BTRC: variants seen among roughly 807,000 people sequenced by gnomAD.
BTRC encodes the protein beta-transducin repeat containing E3 ubiquitin protein ligase.
A neutral mutation model predicts 85.5 loss-of-function variants in BTRC; 42 were observed. That is an observed-to-expected ratio of 0.49 (90% confidence interval 0.38 to 0.64). The LOEUF (loss-of-function observed/expected upper bound fraction) is 0.64, where lower values mean the gene tolerates loss of function less well. BTRC is among the 30% of genes least tolerant of loss of function. The probability of loss-of-function intolerance (pLI) is 0.00; values close to 1 mark genes in which losing one functional copy is unlikely to be tolerated. For missense variants in BTRC, 594 were observed against 743.5 expected, an observed-to-expected ratio of 0.80 and a Z score of 2.34; for synonymous variants, 255 against 263.3, an observed-to-expected ratio of 0.97 and a Z score of 0.30.
chr10:101,366,993 TTA>T lies in BTRC; in HGVS notation c.48+12766_48+12767del, dbSNP rs1564730703. ...ATATATATTTATATATTTATATATA[TTA>T]ATATATATATTTATATATATATTTA... On this transcript the variant is annotated intron_variant, in intron 1 of 14. Coordinates refer to ENST00000370187, the MANE Select transcript of BTRC (RefSeq NM_033637.4). Among the ~76,000 whole-genome samples, 48 of 72,348 alleles carry T rather than the reference TTA, an allele frequency of 6.6e-4. 4 individuals carry two copies. The highest frequency in any genetic ancestry group is 2.6e-3 in the African/African-American group (47 of 18,304). 47.5% of individuals were successfully genotyped at this position (72,348 alleles called of 152,430 possible).
At chr10:101,464,669 T>C (rs948808637) in intron 3 of BTRC, among the ~76,000 whole-genome samples, 13 of 152,140 alleles carry the variant, frequency 8.5e-5, no homozygotes, top group Non-Finnish European at 1.6e-4. Flanking sequence ...TTTATCTCCA[T>C]TCTCTTTGTG....
chr10:101,455,465 T>G (rs1945051642), intron 2 of BTRC, among the ~76,000 whole-genome samples: 2 of 152,158 alleles, frequency 1.3e-5, no homozygotes, highest in Admixed American at 1.3e-4. Context: ...TATAAAGAGA[T>G]ATAAAGAATT....
chr10:101,484,730 A>G (rs1589533875), intron 4 of BTRC, among the ~76,000 whole-genome samples: 1 of 152,340 alleles, frequency 6.6e-6, no homozygotes, highest in East Asian at 1.9e-4. Flanking sequence ...ATTGAGGCTG[A>G]TGTGGTTGGA....
intron 10 of BTRC, 152 bp downstream of exon 10, chr10:101,535,062 G>T: frequency 1.1e-6 from 1 of 938,014 alleles, no homozygotes; most frequent in Non-Finnish European, 1.6e-6. Flanking sequence ...TGTAATAAGT[G>T]AGACGTTGTG....
chr10:101,471,972 A>G (rs1288191492), intron 3 of BTRC, among the ~76,000 whole-genome samples: 5 of 152,142 alleles, frequency 3.3e-5, no homozygotes, highest in Admixed American at 3.3e-4. Flanking sequence ...GCCCCCTTTG[A>G]CGTATCTTCA....
rs949622924 is a variant in BTRC, at chr10:101,536,137, G to C, written c.1467-406G>C. On this transcript the variant is annotated intron_variant, in intron 11 of 14. Coordinates refer to ENST00000370187, the MANE Select transcript of BTRC (RefSeq NM_033637.4). ...CTGGACAGTGGTGAAAGAAGTGTCT[G>C]CCGTGGCAGAGGGGGAGGTGCTTTG... is the stretch of plus-strand genomic sequence containing the variant. 2.0e-4 allele frequency among the ~76,000 whole-genome samples: 31 copies of C among 152,350 alleles called. No homozygotes were observed. The South Asian group carries it at 2.1e-3, about 10-fold the overall frequency.
intron 1 of BTRC, among the ~76,000 whole-genome samples, chr10:101,421,580 T>G (rs1041219994): frequency 2.0e-5 from 3 of 150,762 alleles, no homozygotes; most frequent in Admixed American, 1.3e-4. Flanking sequence ...ACTCGTCATT[T>G]ACATTAGGTA....
At chr10:101,360,626 C>T (rs1189749584) in intron 1 of BTRC, among the ~76,000 whole-genome samples, 1 of 152,262 alleles carries the variant, frequency 6.6e-6, no homozygotes, top group Non-Finnish European at 1.5e-5. Context: ...CCGCCTCGGC[C>T]TCCCAAAGTG....
chr10:101,539,562 A>G lies in BTRC; in HGVS notation c.1656+1191A>G, dbSNP rs185897474. On this transcript the variant is annotated intron_variant, in intron 13 of 14. Transcript: ENST00000370187. ...TTGAAAATTTGCTGAGTAGTATTCT[A>G]TTGTATGGTTATACCCATTCACTGA... 2.0e-3 allele frequency among the ~76,000 whole-genome samples: 311 copies of G among 152,316 alleles called. 5 individuals are homozygous for G. The highest frequency in any genetic ancestry group is 0.017 in the Admixed American group (259 of 15,304).
intron 4 of BTRC, among the ~76,000 whole-genome samples, chr10:101,510,509 T>TA (rs34026627): frequency 0.4 from 55,026 of 137,506 alleles, 11,223 homozygotes; most frequent in Middle Eastern, 0.53. Context: ...GACTCCATCT[T>TA]AAAAAAAAAC....
In BTRC at chr10:101,537,773, A is replaced by G. The variant is rs1373882733; in HGVS notation, c.1578-520A>G. 2.0e-5 allele frequency among the ~76,000 whole-genome samples: 3 copies of G among 152,204 alleles called. No individual in the cohort carries two copies. In the East Asian group the frequency reaches 5.8e-4, roughly 29 times the overall value. ...GGGAAATTGTTCAGAGTGTGGTGACATGTTCCAGCTTGGTCAAGACAATAT... is the reference window on the plus strand; with the variant it reads ...GGGAAATTGTTCAGAGTGTGGTGACGTGTTCCAGCTTGGTCAAGACAATAT... On this transcript the variant is annotated intron_variant, in intron 12 of 14. Transcript: ENST00000370187.
chr10:101,491,612 G>A lies in BTRC; in HGVS notation c.324+12155G>A, dbSNP rs530546805. 2.6e-5 allele frequency among the ~76,000 whole-genome samples: 4 copies of A among 151,896 alleles called. No individual in the cohort carries two copies. The South Asian group carries it at 8.3e-4, about 32-fold the overall frequency. Reference sequence around the variant, plus strand: ...CTCAGGAGGCTGAGGCAGGAGAATTGCTTGAACCCAGGAGGCGGAGGTTGC... The same window carrying A: ...CTCAGGAGGCTGAGGCAGGAGAATTACTTGAACCCAGGAGGCGGAGGTTGC... On this transcript the variant is annotated intron_variant, in intron 4 of 14. Coordinates refer to ENST00000370187, the MANE Select transcript of BTRC (RefSeq NM_033637.4).
intron 1 of BTRC, among the ~76,000 whole-genome samples, chr10:101,381,865 C>T (rs1050227281): frequency 2.0e-5 from 3 of 147,720 alleles, no homozygotes; most frequent in African/African-American, 7.5e-5. Flanking sequence ...AACCTCAATA[C>T]AAGATCCCAC....
At chr10:101,455,076 CTTT>C (rs1214172182) in intron 2 of BTRC, among the ~76,000 whole-genome samples, 4 of 126,974 alleles carry the variant, frequency 3.2e-5, no homozygotes, top group Non-Finnish European at 6.9e-5. Flanking sequence ...TTTTTTTTTT[CTTT>C]GAGACAGGGT....
intron 2 of BTRC, among the ~76,000 whole-genome samples, chr10:101,459,289 G>GC (rs1441461012): frequency 6.6e-6 from 1 of 152,128 alleles, no homozygotes; most frequent in African/African-American, 2.4e-5. Context: ...TGTTGGACAG[G>GC]CTTTGAGAAC....
At chr10:101,450,156 A>G (rs929663512) in intron 2 of BTRC, among the ~76,000 whole-genome samples, 9 of 151,938 alleles carry the variant, frequency 5.9e-5, no homozygotes, top group Non-Finnish European at 1.5e-5. Flanking sequence ...TCTTTTATAT[A>G]CTCATAGTCA....
At chr10:101,472,585 T>C (rs902210075) in intron 3 of BTRC, among the ~76,000 whole-genome samples, 5 of 152,018 alleles carry the variant, frequency 3.3e-5, no homozygotes, top group African/African-American at 1.2e-4. Context: ...AGGCCAAGGT[T>C]GGGTGGATCA....
intron 1 of BTRC, among the ~76,000 whole-genome samples, chr10:101,401,975 A>G (rs561571133): frequency 1.3e-5 from 2 of 152,326 alleles, no homozygotes; most frequent in East Asian, 3.9e-4. Context: ...TGGAGTTCTT[A>G]CCTCAAGCCA....
In BTRC at chr10:101,553,867, GAGCC is replaced by G. The variant is rs2134497273; in HGVS notation, c.*747_*750del. 1 of 152,752 alleles carries G rather than the reference GAGCC, an allele frequency of 6.5e-6. No individual in the cohort carries two copies. The highest frequency in any genetic ancestry group is 2.4e-5 in the African/African-American group (1 of 41,564). The allele number at this position is 152,752 out of a possible 1,614,324, so 9.5% of individuals were successfully genotyped here. ...CGAAGAGAGTGTCCTCCTCTCACAT[GAGCC>G]AGATCAGCCAGAAAATGCAACACTT... On this transcript the variant is annotated 3_prime_UTR_variant, in exon 15 of 15. Coordinates refer to ENST00000370187, the MANE Select transcript of BTRC (RefSeq NM_033637.4).
Sources: gnomAD v4.1 joint callset for allele counts (sites outside exome capture counted in the v4.1 genomes callset) on GRCh38, gnomAD v4.1.1 for gene constraint, MANE v1.5 for transcripts, NCBI Gene and HGNC (gene_info 2026-07-23, HGNC 2026-07-21) for gene names.